The following CTNNA3 variants were observed in gnomAD, a reference collection of about 807,000 sequenced individuals.
CTNNA3 encodes catenin alpha-3.
A neutral mutation model predicts 95.7 loss-of-function variants in CTNNA3; 76 were observed. The observed-to-expected ratio is 0.79, with a 90% CI of 0.66 to 0.96. The LOEUF (loss-of-function observed/expected upper bound fraction) is 0.96, where lower values mean the gene tolerates loss of function less well. CTNNA3 is among the 40% of genes least tolerant of loss of function. The pLI is 0.00. For synonymous variants in CTNNA3, 431 were observed against 374.4 expected (o/e 1.15, Z -1.74); for missense variants, 1,191 against 1,089.8 (o/e 1.09, Z -1.31).
intron 7 of CTNNA3, among the ~76,000 whole-genome samples, chr10:66,990,654 A>C (rs1925608): frequency 0.48 from 73,320 of 151,866 alleles, 18,297 homozygotes; most frequent in African/African-American, 0.58. Flanking sequence ...TGGACCAGAT[A>C]AGTGTCCTTT....
chr10:67,430,802 G>A (rs1212733732), intron 5 of CTNNA3, among the ~76,000 whole-genome samples: 1 of 123,094 alleles, frequency 8.1e-6, no homozygotes, highest in East Asian at 2.6e-4. Flanking sequence ...TAATGAATGA[G>A]CATGACTCAA....
chr10:67,534,942 G>A (rs1447339145), intron 4 of CTNNA3, among the ~76,000 whole-genome samples: 1 of 152,088 alleles, frequency 6.6e-6, no homozygotes, highest in African/African-American at 2.4e-5. Context: ...AAGTGGTTTT[G>A]CATCATAATT....
rs1019220713 is a variant in CTNNA3 at position 67,635,192 on chromosome 10, C to CA, written c.99+12222dup. On this transcript the variant is annotated intron_variant, in intron 2 of 17. Transcript: ENST00000433211. Reference sequence around the variant, plus strand: ...AGGCAGCAATAAATAGCCTACCAACCAAAAAAAAGGCCCATGACCAGAAGG... The same window carrying CA: ...AGGCAGCAATAAATAGCCTACCAACCAAAAAAAAAGGCCCATGACCAGAAGG... 3.2e-4 allele frequency among the ~76,000 whole-genome samples: 49 copies of CA among 151,310 alleles called. 1 individual carries two copies. The highest frequency in any genetic ancestry group is 9.7e-4 in the African/African-American group (40 of 41,286).
intron 7 of CTNNA3, among the ~76,000 whole-genome samples, chr10:66,907,786 G>C (rs1020443661): frequency 1.3e-5 from 2 of 152,096 alleles, no homozygotes; most frequent in Non-Finnish European, 2.9e-5. Context: ...ATAAGTGAAG[G>C]CTTCCTTGAT....
At chr10:67,115,155 A>G (rs997852548) in intron 7 of CTNNA3, among the ~76,000 whole-genome samples, 4 of 152,094 alleles carry the variant, frequency 2.6e-5, no homozygotes, top group Non-Finnish European at 4.4e-5. Context: ...TTATGTCAAC[A>G]CTGTCTATGC....
At chr10:66,169,403 TC>T (rs1164214425) in intron 13 of CTNNA3, among the ~76,000 whole-genome samples, 3 of 152,206 alleles carry the variant, frequency 2.0e-5, no homozygotes, top group Non-Finnish European at 1.5e-5. Flanking sequence ...TATAATAGTT[TC>T]TTTATCCACT....
chr10:66,084,135 C>CA (rs200266418), intron 14 of CTNNA3, among the ~76,000 whole-genome samples: 14,253 of 79,908 alleles, frequency 0.18, 1,344 homozygotes, highest in East Asian at 0.38. Context: ...AACTTCATCT[C>CA]AAAAAAAAAA....
intron 7 of CTNNA3, among the ~76,000 whole-genome samples, chr10:66,942,593 T>C (rs1222237149): frequency 2.6e-5 from 4 of 152,004 alleles, no homozygotes; most frequent in African/African-American, 9.7e-5. Flanking sequence ...TGTGTATGTG[T>C]GTGTGTGTGT....
chr10:67,139,925 A>C (rs1160139410), intron 7 of CTNNA3, among the ~76,000 whole-genome samples: 3 of 152,202 alleles, frequency 2.0e-5, no homozygotes, highest in African/African-American at 7.2e-5. Context: ...AGAAGTATTA[A>C]TGTTTCCTAA....
At chr10:66,208,385 T>C (rs2087903798) in intron 13 of CTNNA3, among the ~76,000 whole-genome samples, 1 of 149,390 alleles carries the variant, frequency 6.7e-6, no homozygotes, top group Admixed American at 6.8e-5. Flanking sequence ...GCAGCATTCC[T>C]AGGCTGATAA....
chr10:65,945,343 G>A lies in CTNNA3; in HGVS notation c.2400+21269C>T, dbSNP rs147713503. On this transcript the variant is annotated intron_variant, in intron 17 of 17. Transcript: ENST00000433211. ...ATCAGCATGTTAGTTTTAATTTTAC[G>A]TTAATGACTGCCTATCTGCAGAAAT... 9.7e-4 allele frequency among the ~76,000 whole-genome samples: 147 copies of A among 152,198 alleles called. 1 individual carries two copies. Among genetic ancestry groups the A allele is most frequent in the Admixed American group, 4.3e-3 (65 of 15,278 alleles).
chr10:66,768,457 G>A (rs1303443327), intron 8 of CTNNA3, among the ~76,000 whole-genome samples: 1 of 152,052 alleles, frequency 6.6e-6, no homozygotes, highest in East Asian at 1.9e-4. Flanking sequence ...TGAGATAATA[G>A]CCAAGAAACA....
chr10:67,292,240 T>C (rs201997006), intron 5 of CTNNA3, among the ~76,000 whole-genome samples: 1 of 152,150 alleles, frequency 6.6e-6, no homozygotes, highest in East Asian at 1.9e-4. Flanking sequence ...TTAGGTGTTA[T>C]GGGGGGCTTT....
chr10:66,658,057 T>A (rs1316717568), intron 9 of CTNNA3, among the ~76,000 whole-genome samples: 1 of 152,154 alleles, frequency 6.6e-6, no homozygotes, highest in Non-Finnish European at 1.5e-5. Flanking sequence ...CCCTTTCAAT[T>A]TGGTCTGTCT....
intron 12 of CTNNA3, among the ~76,000 whole-genome samples, chr10:66,346,242 TATATAGAGAGAGAGAGAGAGAG>T (rs2092516234): frequency 2.3e-4 from 2 of 8,866 alleles, no homozygotes; most frequent in African/African-American, 4.0e-4. Flanking sequence ...TATATATATA[TATATAGAGAGAGAGAGAGAGAG>T]AGAGAGAGAG....
At chr10:66,814,290 C>T (rs1370384779) in intron 7 of CTNNA3, among the ~76,000 whole-genome samples, 2 of 146,690 alleles carry the variant, frequency 1.4e-5, no homozygotes, top group Non-Finnish European at 3.0e-5. Context: ...AAAGAAACAT[C>T]AATTTTTGAG....
At chr10:67,118,353 T>C (rs921605499) in intron 7 of CTNNA3, among the ~76,000 whole-genome samples, 1 of 151,966 alleles carries the variant, frequency 6.6e-6, no homozygotes, top group Non-Finnish European at 1.5e-5. Flanking sequence ...CTCTCCGATA[T>C]CCATTCACTG....
chr10:66,634,572 G>GGTGT (rs59187647), intron 9 of CTNNA3, among the ~76,000 whole-genome samples: 45,843 of 145,986 alleles, frequency 0.31, 7,486 homozygotes, highest in Non-Finnish European at 0.37. Context: ...CTCTGTGCAT[G>GGTGT]GTGTGTGTGT....
chr10:67,603,881 G>A (rs539625963), intron 3 of CTNNA3, among the ~76,000 whole-genome samples: 18 of 152,152 alleles, frequency 1.2e-4, no homozygotes, highest in African/African-American at 4.3e-4. Context: ...AATGTCCTAG[G>A]CATTCATGAT....
Sources: gnomAD v4.1 joint callset for allele counts (sites outside exome capture counted in the v4.1 genomes callset) on GRCh38, gnomAD v4.1.1 for gene constraint, MANE v1.5 for transcripts, NCBI Gene and HGNC (gene_info 2026-07-23, HGNC 2026-07-21) for gene names.